UACA: variants seen among roughly 807,000 people sequenced by gnomAD.
UACA encodes the protein nuclear membrane binding protein.
In UACA, 112 loss-of-function variants were observed where a neutral mutation model predicts 160.5. That is an observed-to-expected ratio of 0.70 (90% CI 0.60 to 0.82). The LOEUF is 0.82. Among genes scored for constraint, UACA ranks in the 40% least tolerant of loss-of-function variants. The pLI is 0.00. For synonymous variants in UACA, 557 were observed against 568.4 expected, an observed-to-expected ratio of 0.98 and a Z score of 0.29; for missense variants, 1,574 against 1,614.6, an observed-to-expected ratio of 0.97 and a Z score of 0.43.
intron 1 of UACA, among the ~76,000 whole-genome samples, chr15:70,726,989 C>G (rs1899162878): frequency 1.3e-5 from 2 of 152,170 alleles, no homozygotes; most frequent in Non-Finnish European, 2.9e-5. Flanking sequence ...GAGCTCTAAT[C>G]CACATGCTCT....
intron 1 of UACA, among the ~76,000 whole-genome samples, chr15:70,737,622 C>T (rs952287236): frequency 2.0e-5 from 3 of 152,112 alleles, no homozygotes; most frequent in Admixed American, 6.6e-5. Flanking sequence ...GCAGGAGAAT[C>T]GCTTGAACCA....
At chr15:70,695,167 C>T (rs547924431) in intron 2 of UACA, 62 bp from the exon 3 acceptor site, 7 of 1,199,582 alleles carry the variant, frequency 5.8e-6, no homozygotes, top group East Asian at 5.1e-5. Flanking sequence ...TTAAATGCTA[C>T]ATTAATGTCA....
chr15:70,712,576 T>C (rs1001987664), intron 1 of UACA, among the ~76,000 whole-genome samples: 2 of 152,204 alleles, frequency 1.3e-5, no homozygotes, highest in Non-Finnish European at 2.9e-5. Flanking sequence ...AATACAAAGC[T>C]CTTTAATGGA....
At chr15:70,736,064 T>A (rs1315227745) in intron 1 of UACA, among the ~76,000 whole-genome samples, 2 of 152,222 alleles carry the variant, frequency 1.3e-5, no homozygotes, top group Non-Finnish European at 2.9e-5. Context: ...ATTTTTGAAT[T>A]TAATGTTGGG....
At chr15:70,766,283 A>G (rs117472428), upstream of UACA, among the ~76,000 whole-genome samples, 258 of 152,324 alleles carry the variant, frequency 1.7e-3, 1 homozygote, top group East Asian at 0.023. Context: ...TAAAGTCACT[A>G]TTATTAGCAT....
intron 1 of UACA, among the ~76,000 whole-genome samples, chr15:70,715,353 A>G (rs1347723904): frequency 1.3e-5 from 2 of 152,178 alleles, no homozygotes; most frequent in Non-Finnish European, 2.9e-5. Flanking sequence ...AAACAGATAC[A>G]CTTATTAAAG....
chr15:70,737,362 A>G (rs997022153), intron 1 of UACA, among the ~76,000 whole-genome samples: 1 of 152,220 alleles, frequency 6.6e-6, no homozygotes, highest in African/African-American at 2.4e-5. Context: ...ATTTTATATT[A>G]AATTCTAACA....
chr15:70,763,387 G>A lies in UACA; in HGVS notation c.21C>T (p.Arg7=). The stretch of plus-strand genomic sequence containing the variant: ...GGCCGGGCACGTCCTGCCTCCTCAG[G>A]CGGGACTTGAGGCTCTTCATGGCTA... MKSLKS[R]LRRQDVPGPA... The change falls in exon 1 of 19, where the codon CGC becomes CGT. Residue 7 remains arginine (R), a synonymous_variant. Transcript: ENST00000322954. The A allele has an allele frequency of 1.5e-6, 2 of 1,328,618 alleles. No individual in the cohort carries two copies. The highest frequency in any genetic ancestry group is 1.9e-6 in the Non-Finnish European group (2 of 1,032,726). The allele number at this position is 1,328,618 out of a possible 1,614,324, so 82.3% of individuals were successfully genotyped here.
Position 70,691,466 on chromosome 15 carries a change from ATACT to A in UACA, c.302-107_302-104del, listed in dbSNP as rs570306823. On this transcript the variant is annotated intron_variant, in intron 3 of 18. Transcript: ENST00000322954. ...TTTTTTCCCAAAACTAGTTGACAACATACTTAATCTGTAAGTATACTTTCAGTTT... is the reference window on the plus strand; with the variant it reads ...TTTTTTCCCAAAACTAGTTGACAACATAATCTGTAAGTATACTTTCAGTTT... 355 of 769,500 alleles carry A rather than the reference ATACT, an allele frequency of 4.6e-4. 3 individuals are homozygous for A. The African/African-American group carries it at 5.1e-3, about 11-fold the overall frequency. The allele number at this position is 769,500 out of a possible 1,614,324, so 47.7% of individuals were successfully genotyped here. A position where few individuals can be genotyped will look rare whatever the true frequency, so the allele number is the denominator to read the frequency against.
At chr15:70,690,413 A>AT (rs1253597926) in intron 5 of UACA, 41 bp downstream of exon 5, 1 of 1,575,636 alleles carries the variant, frequency 6.3e-7, no homozygotes, top group Admixed American at 1.7e-5. Flanking sequence ...ATGACTAGAC[A>AT]TTTTAACAAA....
chr15:70,657,469 G>A (rs1896520561), intron 18 of UACA, among the ~76,000 whole-genome samples: 1 of 151,712 alleles, frequency 6.6e-6, no homozygotes, highest in African/African-American at 2.4e-5. Flanking sequence ...AAATTAGACG[G>A]GTGTAATCCC....
upstream of UACA, among the ~76,000 whole-genome samples, chr15:70,766,815 A>G (rs1222102548): frequency 6.6e-6 from 1 of 152,248 alleles, no homozygotes; most frequent in African/African-American, 2.4e-5. Context: ...GTAATACCAG[A>G]TGGGCAGAGG....
At chr15:70,764,499 G>A (rs558634052), upstream of UACA, among the ~76,000 whole-genome samples, 5 of 152,104 alleles carry the variant, frequency 3.3e-5, no homozygotes, top group Non-Finnish European at 7.4e-5. Flanking sequence ...TTTCCCCCCA[G>A]CAAAACGTTT....
chr15:70,687,465 G>GC, intron 7 of UACA, 75 bp downstream of exon 7: 1 of 1,387,578 alleles, frequency 7.2e-7, no homozygotes, highest in Non-Finnish European at 1.0e-6. Context: ...TCAGAGAACA[G>GC]AGCTGCTGCT....
intron 1 of UACA, 36 bp from the exon 2 acceptor site, chr15:70,699,696 C>A: frequency 6.2e-7 from 1 of 1,600,166 alleles, no homozygotes; most frequent in Non-Finnish European, 8.5e-7. Context: ...ATATGGCATA[C>A]TACATTAGTT....
Position 70,655,616 on chromosome 15 carries a change from T to A in UACA, c.*1440A>T, listed in dbSNP as rs751250766. 6.6e-6 allele frequency: 1 copy of A among 152,200 alleles called. No individual in the cohort carries two copies. The highest frequency in any genetic ancestry group is 1.5e-5 in the Non-Finnish European group (1 of 68,038). 9.4% of individuals were successfully genotyped at this position (152,200 alleles called of 1,614,324 possible). On this transcript the variant is annotated 3_prime_UTR_variant, in exon 19 of 19. Transcript: ENST00000322954. ...TCATGCTGAAGGACGACATTAATCA[T>A]AATAATTAAAGAGACAGATATTGCT...
At chr15:70,705,146 A>G (rs779925240) in intron 1 of UACA, among the ~76,000 whole-genome samples, 1 of 152,194 alleles carries the variant, frequency 6.6e-6, no homozygotes, top group Non-Finnish European at 1.5e-5. Context: ...TTCATCCACA[A>G]GGACTCAAAT....
rs1190824533 is a variant in UACA, at chr15:70,748,074, C to A, written c.78+15256G>T. 7.2e-5 allele frequency among the ~76,000 whole-genome samples: 11 copies of A among 152,006 alleles called. 1 individual carries two copies. Among genetic ancestry groups the A allele is most frequent in the Admixed American group, 7.2e-4 (11 of 15,250 alleles). ...CCTGGCATAGTACTGTATGTATACA[C>A]CTACACCAAGCTAGGCTGACACTGG... On this transcript the variant is annotated intron_variant, in intron 1 of 18. Transcript: ENST00000322954.
chr15:70,655,974 T>C lies in UACA; in HGVS notation c.*1082A>G, dbSNP rs1477389956. 6.6e-6 allele frequency: 1 copy of C among 152,198 alleles called. No individual in the cohort carries two copies. The highest frequency in any genetic ancestry group is 1.9e-4 in the East Asian group (1 of 5,206). 9.4% of individuals were successfully genotyped at this position (152,198 alleles called of 1,614,324 possible). A position where few individuals can be genotyped will look rare whatever the true frequency, so the allele number is the denominator to read the frequency against. On this transcript the variant is annotated 3_prime_UTR_variant, in exon 19 of 19. Coordinates refer to ENST00000322954, the MANE Select transcript of UACA (RefSeq NM_018003.4). ...ATAAACTTTCCCTAATGAGATGCAG[T>C]TAATAAAAACGGTTGTTTACTTCAG... is the stretch of plus-strand genomic sequence containing the variant.
Sources: allele counts gnomAD v4.1 joint callset (sites outside exome capture counted in the v4.1 genomes callset), GRCh38; gene constraint gnomAD v4.1.1; transcripts MANE v1.5; gene names NCBI Gene and HGNC (gene_info 2026-07-23, HGNC 2026-07-21).